The following AKAP6 variants were observed in gnomAD, a reference collection of about 807,000 sequenced individuals.
The protein encoded by AKAP6 is A-kinase anchor protein 6.
A neutral mutation model predicts 188.5 loss-of-function variants in AKAP6; 58 were observed. The ratio of observed to expected loss-of-function variants is 0.31; its 90% CI spans 0.25 to 0.38. The LOEUF (loss-of-function observed/expected upper bound fraction) is 0.38. Ranked by LOEUF, AKAP6 falls within the 10% of genes least tolerant of loss-of-function variation. The probability of loss-of-function intolerance (pLI) is 1.00; values close to 1 mark genes in which losing one functional copy is unlikely to be tolerated. For synonymous variants in AKAP6, 989 were observed against 998.6 expected (o/e 0.99, Z 0.18); for missense variants, 2,710 against 2,740.0 (o/e 0.99, Z 0.24).
chr14:32,773,565 T>C, intron 11 of AKAP6, 113 bp from the exon 12 acceptor site: 1 of 997,674 alleles, frequency 1.0e-6, no homozygotes, highest in Non-Finnish European at 1.5e-6. Flanking sequence ...TGTCCTATTG[T>C]TGGTAGCTGA....
intron 11 of AKAP6, among the ~76,000 whole-genome samples, chr14:32,773,189 A>G (rs924928482): frequency 1.3e-5 from 2 of 152,096 alleles, no homozygotes; most frequent in Admixed American, 6.6e-5. Context: ...AATAGATTTT[A>G]TATATAAAAA....
intron 11 of AKAP6, among the ~76,000 whole-genome samples, chr14:32,741,986 G>A (rs2031700760): frequency 6.6e-6 from 1 of 151,834 alleles, no homozygotes; most frequent in Non-Finnish European, 1.5e-5. Context: ...ACATTCAGCA[G>A]TGAAGCCATC....
intron 5 of AKAP6, among the ~76,000 whole-genome samples, chr14:32,583,397 C>G (rs554609495): frequency 6.6e-6 from 1 of 152,314 alleles, no homozygotes; most frequent in East Asian, 1.9e-4. Context: ...CAGTCTGCCC[C>G]TACTGGGGGG....
intron 12 of AKAP6, among the ~76,000 whole-genome samples, chr14:32,787,417 T>C (rs1251547634): frequency 2.6e-5 from 4 of 152,240 alleles, no homozygotes; most frequent in Non-Finnish European, 5.9e-5. Flanking sequence ...ACTTGGGGAT[T>C]CATTCTAAGT....
At chr14:32,448,586 C>A (rs1312913739) in intron 2 of AKAP6, among the ~76,000 whole-genome samples, 1 of 152,180 alleles carries the variant, frequency 6.6e-6, no homozygotes, top group African/African-American at 2.4e-5. Flanking sequence ...AAAACTAGGT[C>A]TTTCTAATCC....
intron 1 of AKAP6, among the ~76,000 whole-genome samples, chr14:32,344,811 G>A (rs1013999422): frequency 6.6e-6 from 1 of 151,834 alleles, no homozygotes; most frequent in Non-Finnish European, 1.5e-5. Context: ...AGCTACTCAG[G>A]AGGCTGAGGC....
chr14:32,660,940 A>G (rs2383367), intron 7 of AKAP6, among the ~76,000 whole-genome samples: 1 of 32,934 alleles, frequency 3.0e-5, no homozygotes, highest in African/African-American at 8.9e-5. Flanking sequence ...CCCCCTCCCA[A>G]TTCCAGCCAT....
At chr14:32,815,785 G>T (rs72669862) in intron 12 of AKAP6, among the ~76,000 whole-genome samples, 2 of 152,086 alleles carry the variant, frequency 1.3e-5, no homozygotes, top group African/African-American at 4.8e-5. Context: ...GCTGTGTACC[G>T]GGCTCTCCCC....
chr14:32,607,659 T>C (rs1047221837), intron 7 of AKAP6, among the ~76,000 whole-genome samples: 1 of 152,226 alleles, frequency 6.6e-6, no homozygotes, highest in Admixed American at 6.5e-5. Context: ...ATCTGAGATC[T>C]AGAATAATAG....
In AKAP6 at chr14:32,545,278, A is replaced by G. The variant is rs1229274889; in HGVS notation, c.625A>G (p.Ile209Val). Reference protein sequence around the residue: ...TEVDDSGQLTIKCSQNYLSLD... With the variant: ...TEVDDSGQLTVKCSQNYLSLD... ...AGTGGATGACTCAGGACAATTAACC[A>G]TCAAATGTTCTCAAAATTACTTGTC... Residue 209 changes from isoleucine (I) to valine (V), a missense_variant, in exon 4 of 14, where the codon ATC (isoleucine) becomes GTC (valine). Around this residue, in one of 2 missense-constraint regions of AKAP6, gnomAD observed 237 missense variants for 313.9 expected, o/e 0.76. Coordinates refer to ENST00000280979, the MANE Select transcript of AKAP6 (RefSeq NM_004274.5). 6.2e-7 allele frequency: 1 copy of G among 1,614,044 alleles called. No individual in the cohort carries two copies. The highest frequency in any genetic ancestry group is 8.5e-7 in the Non-Finnish European group (1 of 1,180,014).
intron 1 of AKAP6, among the ~76,000 whole-genome samples, chr14:32,351,174 A>G (rs904478762): frequency 2.0e-5 from 3 of 152,246 alleles, no homozygotes; most frequent in African/African-American, 4.8e-5. Context: ...TTTTAGATAT[A>G]TATCTTATAG....
chr14:32,771,966 G>A (rs545736733), intron 11 of AKAP6, among the ~76,000 whole-genome samples: 2 of 152,066 alleles, frequency 1.3e-5, no homozygotes, highest in Non-Finnish European at 2.9e-5. Flanking sequence ...CCCCAAATTG[G>A]CAGGTATTAG....
At chr14:32,408,574 A>G (rs546770094) in intron 1 of AKAP6, among the ~76,000 whole-genome samples, 34 of 150,510 alleles carry the variant, frequency 2.3e-4, no homozygotes, top group African/African-American at 7.8e-4. Context: ...CAACCACTCT[A>G]AACATAAGGA....
intron 2 of AKAP6, among the ~76,000 whole-genome samples, chr14:32,490,422 A>G (rs1879950504): frequency 6.6e-6 from 1 of 152,202 alleles, no homozygotes; most frequent in African/African-American, 2.4e-5. Flanking sequence ...CAAACATGAA[A>G]CAGACCTTAC....
chr14:32,398,803 TCCCC>T (rs1555325341), intron 1 of AKAP6, among the ~76,000 whole-genome samples: 1 of 118,600 alleles, frequency 8.4e-6, no homozygotes, highest in African/African-American at 3.0e-5. Context: ...TCTCTCTCTC[TCCCC>T]CTCCCCCTCT....
intron 7 of AKAP6, among the ~76,000 whole-genome samples, chr14:32,671,315 G>T (rs191047765): frequency 6.6e-6 from 1 of 152,294 alleles, no homozygotes; most frequent in Non-Finnish European, 1.5e-5. Context: ...ACCACTGCAT[G>T]AGGAATGTGG....
chr14:32,416,137 G>A (rs1889649442), intron 1 of AKAP6, among the ~76,000 whole-genome samples: 1 of 152,160 alleles, frequency 6.6e-6, no homozygotes, highest in Admixed American at 6.5e-5. Context: ...TTCTAAAGTA[G>A]CTGTACCATT....
At chr14:32,531,523 T>A (rs538510051) in intron 2 of AKAP6, among the ~76,000 whole-genome samples, 2 of 152,260 alleles carry the variant, frequency 1.3e-5, no homozygotes, top group South Asian at 4.2e-4. Context: ...TACAGCAGAG[T>A]TGACTTTCTT....
chr14:32,636,266 T>C (rs1282206800), intron 7 of AKAP6, among the ~76,000 whole-genome samples: 2 of 152,138 alleles, frequency 1.3e-5, no homozygotes, highest in Non-Finnish European at 2.9e-5. Flanking sequence ...TGATGTCTGT[T>C]TTACTCCAGA....
Sources: allele counts gnomAD v4.1 joint callset (sites outside exome capture counted in the v4.1 genomes callset), GRCh38; gene constraint gnomAD v4.1.1; regional missense constraint gnomAD v4.1.1; transcripts MANE v1.5; gene names NCBI Gene and HGNC (gene_info 2026-07-23, HGNC 2026-07-21).